PTPRD: variants seen among roughly 807,000 people sequenced by gnomAD.
PTPRD encodes the protein receptor-type tyrosine-protein phosphatase delta.
Under a neutral mutation model 214.5 loss-of-function variants are expected in PTPRD, and 34 were observed. The ratio of observed to expected loss-of-function variants is 0.16; its 90% CI spans 0.12 to 0.21. The LOEUF (loss-of-function observed/expected upper bound fraction) is 0.21. Among genes scored for constraint, PTPRD ranks in the 10% least tolerant of loss-of-function variants. The pLI, the probability that PTPRD is intolerant of heterozygous loss-of-function variation, is 1.00. For synonymous variants in PTPRD, 1,128 were observed against 845.7 expected, an observed-to-expected ratio of 1.33 and a Z score of -5.79; for missense variants, 2,545 against 2,398.7, an observed-to-expected ratio of 1.06 and a Z score of -1.27.
intron 14 of PTPRD, among the ~76,000 whole-genome samples, chr9:8,576,322 C>G (rs1214522391): frequency 6.6e-6 from 1 of 152,038 alleles, no homozygotes; most frequent in Non-Finnish European, 1.5e-5. Flanking sequence ...TGAAATAATT[C>G]TGCATTTAAG....
At chr9:9,607,024 C>T (rs950978431) in intron 7 of PTPRD, among the ~76,000 whole-genome samples, 2 of 137,866 alleles carry the variant, frequency 1.5e-5, no homozygotes, top group South Asian at 2.4e-4. Context: ...GCCATGTCAC[C>T]GACCAGCATA....
In PTPRD at chr9:8,389,331, C is replaced by T. The variant is rs2135655318; in HGVS notation, c.4287G>A (p.Gln1429=). ...YRKQNAYIAT[Q]GSLPETFGDF... ...CCCCAAATGTTTCGGGGAGAGATCC[C>T]TGTGTTGCAATATAGGCATTTTGCT... Residue 1429 remains glutamine (Q), a synonymous_variant, in exon 37 of 46, where the codon CAG becomes CAA. Transcript: ENST00000381196. 6.2e-7 allele frequency: 1 copy of T among 1,613,000 alleles called. No homozygotes were observed.
At chr9:8,318,004 A>T (rs1282516407) in intron 45 of PTPRD, 62 bp from the exon 46 acceptor site, 1 of 1,509,212 alleles carries the variant, frequency 6.6e-7, no homozygotes, top group Admixed American at 1.7e-5. Context: ...TTTAATAGAA[A>T]AATAAAAATC....
intron 34 of PTPRD, among the ~76,000 whole-genome samples, chr9:8,447,191 C>A (rs931708061): frequency 2.0e-5 from 3 of 152,192 alleles, no homozygotes; most frequent in Admixed American, 6.5e-5. Context: ...CTTTTCTAGT[C>A]TCCTCCTCTA....
chr9:8,880,019 T>C (rs1388818305), intron 11 of PTPRD, among the ~76,000 whole-genome samples: 1 of 152,210 alleles, frequency 6.6e-6, no homozygotes, highest in Non-Finnish European at 1.5e-5. Context: ...AACCATCTAC[T>C]TGTTACCCTG....
chr9:9,743,731 TACACACACACAC>T (rs4008087), intron 6 of PTPRD, among the ~76,000 whole-genome samples: 16 of 80,466 alleles, frequency 2.0e-4, no homozygotes, highest in African/African-American at 1.4e-3. Flanking sequence ...ACTCAGTCTA[TACACACACACAC>T]ACACACACAC....
intron 2 of PTPRD, among the ~76,000 whole-genome samples, chr9:10,521,112 T>C (rs779455124): frequency 6.6e-6 from 1 of 152,072 alleles, no homozygotes; most frequent in African/African-American, 2.4e-5. Flanking sequence ...CTGAAAACCT[T>C]CCGGAAAGGA....
chr9:8,411,177 A>G (rs1438588415), intron 35 of PTPRD, among the ~76,000 whole-genome samples: 2 of 152,156 alleles, frequency 1.3e-5, no homozygotes, highest in African/African-American at 2.4e-5. Context: ...GTGTGACTGT[A>G]GAAAAGATTA....
At chr9:10,168,131 C>T (rs1265921415) in intron 3 of PTPRD, among the ~76,000 whole-genome samples, 1 of 152,128 alleles carries the variant, frequency 6.6e-6, no homozygotes, top group Admixed American at 6.5e-5. Context: ...CAGGTGATGG[C>T]ATTTTCTAAA....
intron 11 of PTPRD, among the ~76,000 whole-genome samples, chr9:8,811,178 G>A (rs955068225): frequency 3.3e-5 from 5 of 152,040 alleles, no homozygotes; most frequent in Admixed American, 2.6e-4. Context: ...TTAATTAATG[G>A]GCGCAGTCTT....
At position 8,465,435 on chromosome 9, in the gene PTPRD, T is replaced by C. The variant is rs202078157; in HGVS notation, c.3714+31A>G. ...CCAGTGAAAATGTATAAGCGTACCATAGGAAACAGATGCCATCATAATTAA... is the reference window on the plus strand; with the variant it reads ...CCAGTGAAAATGTATAAGCGTACCACAGGAAACAGATGCCATCATAATTAA... On this transcript the variant is annotated intron_variant, in intron 32 of 45. Coordinates refer to ENST00000381196, the MANE Select transcript of PTPRD (RefSeq NM_002839.4). The C allele has an allele frequency of 4.8e-5, 77 of 1,589,736 alleles. No homozygotes were observed. In the East Asian group the frequency reaches 1.1e-3, roughly 22 times the overall value.
At chr9:10,565,428 G>A (rs1462049465) in intron 2 of PTPRD, among the ~76,000 whole-genome samples, 1 of 152,050 alleles carries the variant, frequency 6.6e-6, no homozygotes, top group East Asian at 1.9e-4. Context: ...CAAGCATAAT[G>A]TATTAAGAAT....
intron 8 of PTPRD, among the ~76,000 whole-genome samples, chr9:9,453,025 T>TA (rs1555424242): frequency 5.3e-5 from 8 of 151,118 alleles, no homozygotes; most frequent in African/African-American, 1.5e-4. Flanking sequence ...ATTTTATTTT[T>TA]TTTTTTTGCT....
intron 2 of PTPRD, among the ~76,000 whole-genome samples, chr9:10,611,431 T>C (rs1391503850): frequency 6.6e-6 from 1 of 152,230 alleles, no homozygotes; most frequent in Non-Finnish European, 1.5e-5. Flanking sequence ...ATATTTTTCC[T>C]GACATAACAC....
At chr9:9,110,217 A>C (rs2154448604) in intron 10 of PTPRD, among the ~76,000 whole-genome samples, 1 of 152,240 alleles carries the variant, frequency 6.6e-6, no homozygotes, top group South Asian at 2.1e-4. Context: ...TCTCCATTTC[A>C]CTTACTTTTA....
intron 2 of PTPRD, among the ~76,000 whole-genome samples, chr9:10,418,764 G>T (rs778626891): frequency 1.3e-5 from 2 of 151,594 alleles, no homozygotes; most frequent in Non-Finnish European, 2.9e-5. Flanking sequence ...GAAATGGTTG[G>T]AAGGAAAAAA....
intron 7 of PTPRD, among the ~76,000 whole-genome samples, chr9:9,702,961 T>A (rs544928541): frequency 1.3e-5 from 2 of 152,168 alleles, no homozygotes; most frequent in Non-Finnish European, 2.9e-5. Flanking sequence ...GCCAATCTAA[T>A]ACTATTCTCT....
intron 14 of PTPRD, among the ~76,000 whole-genome samples, chr9:8,561,510 G>A (rs2086327901): frequency 6.6e-6 from 1 of 152,148 alleles, no homozygotes; most frequent in Non-Finnish European, 1.5e-5. Flanking sequence ...GGGCTAGGGT[G>A]CACCCAGCTC....
intron 14 of PTPRD, among the ~76,000 whole-genome samples, chr9:8,534,189 G>T (rs981708950): frequency 3.9e-5 from 6 of 151,906 alleles, no homozygotes; most frequent in Non-Finnish European, 8.8e-5. Context: ...CATTTTACAG[G>T]AGGCTTTCCC....
Sources: gnomAD v4.1 joint callset for allele counts (sites outside exome capture counted in the v4.1 genomes callset) on GRCh38, gnomAD v4.1.1 for gene constraint, MANE v1.5 for transcripts, NCBI Gene and HGNC (gene_info 2026-07-23, HGNC 2026-07-21) for gene names.